TFAP2C: variants seen among roughly 807,000 people sequenced by gnomAD.
TFAP2C encodes transcription factor AP-2 gamma.
A neutral mutation model predicts 42.9 loss-of-function variants in TFAP2C; 9 were observed. The observed-to-expected ratio is 0.21, with a 90% CI of 0.13 to 0.37. The LOEUF is 0.37. Among genes scored for constraint, TFAP2C ranks in the 10% least tolerant of loss-of-function variants. The pLI, the probability that TFAP2C is intolerant of heterozygous loss-of-function variation, is 1.00. For synonymous variants in TFAP2C, 264 were observed against 256.0 expected, an observed-to-expected ratio of 1.03 and a Z score of -0.30; for missense variants, 462 against 591.7, an observed-to-expected ratio of 0.78 and a Z score of 2.27.
chr20:56,633,696 T>G (rs1418527702), intron 4 of TFAP2C, 127 bp downstream of exon 4: 25 of 718,390 alleles, frequency 3.5e-5, no homozygotes, highest in Non-Finnish European at 5.2e-5. Context: ...GGGTTAGAGT[T>G]TTAGTACATT....
Position 56,631,598 on chromosome 20 carries a change from C to T in TFAP2C, c.442C>T (p.Leu148=), listed in dbSNP as rs530325477. The T allele has an allele frequency of 2.3e-4, 361 of 1,555,324 alleles. 3 individuals carry two copies. The East Asian group carries it at 8.5e-3, about 37-fold the overall frequency. Reference sequence around the variant, plus strand: ...CAGGGATGCCTACCGCCGCTCCGACCTGCTGCTGCCCCACGCACACGCCCT... The same window carrying T: ...CAGGGATGCCTACCGCCGCTCCGACTTGCTGCTGCCCCACGCACACGCCCT... The part of the protein sequence containing the change: ...ARRDAYRRSD[L]LLPHAHALDA... The change falls in exon 2 of 7, where the codon CTG becomes TTG. Residue 148 remains leucine, a synonymous_variant. Coordinates refer to ENST00000201031, the MANE Select transcript of TFAP2C (RefSeq NM_003222.4). This position sits in a 1 kb window ranked among gnomAD's most constrained non-coding sequence, Gnocchi z 6.1.
rs1987496623 is a variant in TFAP2C at position 56,631,746 on chromosome 20, C to G, written c.534+56C>G. 8.1e-6 allele frequency: 13 copies of G among 1,613,122 alleles called. No homozygotes were observed. The highest frequency in any genetic ancestry group is 2.2e-5 in the East Asian group (1 of 44,878). ...TGTTCACCCTACGGCCTTCTGCCCCCACCCCGCACTCCTCTAGGCTCCCCC... is the reference window on the plus strand; with the variant it reads ...TGTTCACCCTACGGCCTTCTGCCCCGACCCCGCACTCCTCTAGGCTCCCCC... On this transcript the variant is annotated intron_variant, in intron 2 of 6. Transcript: ENST00000201031. The surrounding 1 kb of genome is among the most constrained non-coding windows in gnomAD (Gnocchi z 6.1).
At position 56,631,182 on chromosome 20, in the gene TFAP2C, C is replaced by T. The variant is rs1987481927; in HGVS notation, c.49-23C>T. 2.7e-6 allele frequency: 4 copies of T among 1,496,558 alleles called. No individual in the cohort carries two copies. The East Asian group carries it at 1.0e-4, about 38-fold the overall frequency. 92.7% of individuals were successfully genotyped at this position (1,496,558 alleles called of 1,614,324 possible). On this transcript the variant is annotated intron_variant, in intron 1 of 6. Coordinates refer to ENST00000201031, the MANE Select transcript of TFAP2C (RefSeq NM_003222.4). The surrounding 1 kb of genome is among the most constrained non-coding windows in gnomAD (Gnocchi z 6.1). ...GCGGGGTTTCGCACTAACGGGGTCT[C>T]CTGTTTTTTTTTTTCCCTCCAGGAT...
In TFAP2C at chr20:56,630,865, G is replaced by A. The variant is rs1801197474; in HGVS notation, c.49-340G>A. 1.2e-5 allele frequency: 12 copies of A among 985,214 alleles called. No individual in the cohort carries two copies. The highest frequency in any genetic ancestry group is 1.4e-5 in the Non-Finnish European group (12 of 829,880). 61.0% of individuals were successfully genotyped at this position (985,214 alleles called of 1,614,324 possible). ...CCCCGGGCTCTGGCTCCTTCGCCCCGGGCTCCGGCCACGGACTTTTCTGGC... is the reference window on the plus strand; with the variant it reads ...CCCCGGGCTCTGGCTCCTTCGCCCCAGGCTCCGGCCACGGACTTTTCTGGC... On this transcript the variant is annotated intron_variant, in intron 1 of 6. Transcript: ENST00000201031. This position sits in a 1 kb window ranked among gnomAD's most constrained non-coding sequence, Gnocchi z 5.1.
In TFAP2C at chr20:56,630,348, AG is replaced by A. The variant is rs1301865902; in HGVS notation, c.48+758del. The A allele has an allele frequency of 4.4e-6, 2 of 451,916 alleles. No individual in the cohort carries two copies. The highest frequency in any genetic ancestry group is 1.6e-5 in the South Asian group (1 of 63,194). The allele number at this position is 451,916 out of a possible 1,614,324, so 28.0% of individuals were successfully genotyped here. A position where few individuals can be genotyped will look rare whatever the true frequency, so the allele number is the denominator to read the frequency against. On this transcript the variant is annotated intron_variant, in intron 1 of 6. Transcript: ENST00000201031. This position sits in a 1 kb window ranked among gnomAD's most constrained non-coding sequence, Gnocchi z 5.1. ...CGCAGGCCCGGGCGCTTCCGCCAGG[AG>A]GCGACAGCGCCATGTTCCTCCAGGT...
chr20:56,634,304 T>A, intron 5 of TFAP2C, 36 bp downstream of exon 5: 2 of 1,456,670 alleles, frequency 1.4e-6, no homozygotes, highest in South Asian at 1.1e-5. Context: ...GTGATGTTTT[T>A]AATTTGTGCC....
At chr20:56,633,925 G>A (rs891929429) in intron 4 of TFAP2C, among the ~76,000 whole-genome samples, 1 of 152,102 alleles carries the variant, frequency 6.6e-6, no homozygotes, top group East Asian at 1.9e-4. Flanking sequence ...TGAAATATTC[G>A]GTGATGCAGA....
rs1054565870 is a variant in TFAP2C, at chr20:56,630,277, C to T, written c.48+685C>T. On this transcript the variant is annotated intron_variant, in intron 1 of 6. Transcript: ENST00000201031. This position sits in a 1 kb window ranked among gnomAD's most constrained non-coding sequence, Gnocchi z 5.1. ...GAGCGCGGAGCTCGGGCTACGGACT[C>T]GCGGGAGTTCACTGCGCCTCCGGGC... The T allele has an allele frequency of 5.9e-6, 2 of 341,058 alleles. No homozygotes were observed. The highest frequency in any genetic ancestry group is 1.2e-5 in the Non-Finnish European group (2 of 166,466). 21.1% of individuals were successfully genotyped at this position (341,058 alleles called of 1,614,324 possible). A position where few individuals can be genotyped will look rare whatever the true frequency, so the allele number is the denominator to read the frequency against.
Position 56,630,012 on chromosome 20 carries a change from C to T in TFAP2C, c.48+420C>T, listed in dbSNP as rs905501374. 6.6e-6 allele frequency among the ~76,000 whole-genome samples: 1 copy of T among 152,002 alleles called. No individual in the cohort carries two copies. Among genetic ancestry groups the T allele is most frequent in the Non-Finnish European group, 1.5e-5 (1 of 68,022 alleles). On this transcript the variant is annotated intron_variant, in intron 1 of 6. Coordinates refer to ENST00000201031, the MANE Select transcript of TFAP2C (RefSeq NM_003222.4). The surrounding 1 kb of genome is among the most constrained non-coding windows in gnomAD (Gnocchi z 5.1). ...CACTCCTCCAAGGCCGGCTTGTCAC[C>T]TGCCCCGCTACCTCCTCGGGGAAGC...
In TFAP2C at chr20:56,630,655, C is replaced by G; in HGVS notation, c.49-550C>G. On this transcript the variant is annotated intron_variant, in intron 1 of 6. Coordinates refer to ENST00000201031, the MANE Select transcript of TFAP2C (RefSeq NM_003222.4). The surrounding 1 kb of genome is among the most constrained non-coding windows in gnomAD (Gnocchi z 5.1). ...GCGCAGGGTGGCGGGCCCTGCTTTC[C>G]GAGCGCCGCCCGCTCGGAGGTCTTT... 1.0e-6 allele frequency: 1 copy of G among 981,598 alleles called. No individual in the cohort carries two copies. Among genetic ancestry groups the G allele is most frequent in the Non-Finnish European group, 1.2e-6 (1 of 826,458 alleles). The allele number at this position is 981,598 out of a possible 1,614,324, so 60.8% of individuals were successfully genotyped here. A position where few individuals can be genotyped will look rare whatever the true frequency, so the allele number is the denominator to read the frequency against.
At chr20:56,637,642 G>A in intron 6 of TFAP2C, 86 bp from the exon 7 acceptor site, 1 of 1,372,918 alleles carries the variant, frequency 7.3e-7, no homozygotes, top group Non-Finnish European at 1.0e-6. Context: ...TGCCTCCCGG[G>A]CGCCAGCCTC....
rs1987500116 is a variant in TFAP2C, at chr20:56,631,847, A to T, written c.577A>T (p.Ile193Phe). 6.2e-7 allele frequency: 1 copy of T among 1,614,118 alleles called. No homozygotes were observed. Among genetic ancestry groups the T allele is most frequent in the Non-Finnish European group, 8.5e-7 (1 of 1,180,054 alleles). ...CCTGTTGCTGCACGATCAGACAGTC[A>T]TTCGCAAAGGTAAATAGCAAGGTGG... The part of the protein sequence containing the change: ...QHLLLHDQTV[I>F]RKGPISMTKN... Residue 193 changes from isoleucine to phenylalanine, a missense_variant, in exon 3 of 7, where the codon ATT becomes TTT. Physicochemically the swap from Ile to Phe is conservative, Grantham distance 21. This residue lies in a region of TFAP2C where 21 missense variants were observed against 38.1 expected (regional missense o/e 0.55). Coordinates refer to ENST00000201031, the MANE Select transcript of TFAP2C (RefSeq NM_003222.4). The surrounding 1 kb of genome is among the most constrained non-coding windows in gnomAD (Gnocchi z 6.1).
intron 6 of TFAP2C, among the ~76,000 whole-genome samples, chr20:56,637,240 G>A (rs1278649215): frequency 6.6e-6 from 1 of 152,226 alleles, no homozygotes; most frequent in Non-Finnish European, 1.5e-5. Context: ...ATTTGAAAAT[G>A]ATGGTAAATG....
Position 56,630,314 on chromosome 20 carries a change from GC to G in TFAP2C, c.48+726del. 4.9e-6 allele frequency: 2 copies of G among 411,726 alleles called. No homozygotes were observed. Among genetic ancestry groups the G allele is most frequent in the Non-Finnish European group, 5.0e-6 (1 of 201,552 alleles). 25.5% of individuals were successfully genotyped at this position (411,726 alleles called of 1,614,324 possible). A position where few individuals can be genotyped will look rare whatever the true frequency, so the allele number is the denominator to read the frequency against. ...CTGCGCCTCCGGGCCCTGGAGGGCTGCCCCTGCCCGCAGGCCCGGGCGCTTC... is the reference window on the plus strand; with the variant it reads ...CTGCGCCTCCGGGCCCTGGAGGGCTGCCCTGCCCGCAGGCCCGGGCGCTTC... On this transcript the variant is annotated intron_variant, in intron 1 of 6. Coordinates refer to ENST00000201031, the MANE Select transcript of TFAP2C (RefSeq NM_003222.4). This position sits in a 1 kb window ranked among gnomAD's most constrained non-coding sequence, Gnocchi z 5.1.
rs574031938 is a variant in TFAP2C, at chr20:56,629,866, G to A, written c.48+274G>A. Among the ~76,000 whole-genome samples the A allele has an allele frequency of 6.6e-6, 1 of 152,286 alleles. No individual in the cohort carries two copies. The highest frequency in any genetic ancestry group is 2.4e-5 in the African/African-American group (1 of 41,574). On this transcript the variant is annotated intron_variant, in intron 1 of 6. Coordinates refer to ENST00000201031, the MANE Select transcript of TFAP2C (RefSeq NM_003222.4). The surrounding 1 kb of genome is among the most constrained non-coding windows in gnomAD (Gnocchi z 5.9). ...CGGGCGCTTTCCTAAGCGGCAAACA[G>A]CCCTGCTTCCCGTTTTCTCGGAAAA...
Position 56,629,647 on chromosome 20 carries a change from AG to A in TFAP2C, c.48+59del. On this transcript the variant is annotated intron_variant, in intron 1 of 6. Transcript: ENST00000201031. The surrounding 1 kb of genome is among the most constrained non-coding windows in gnomAD (Gnocchi z 5.9). ...CCCCGCCGAGGACAGTCCGGGAGGC[AG>A]GGGCCACTGGACCGAGGTCGGGGAC... 5 of 1,335,244 alleles carry A rather than the reference AG, an allele frequency of 3.7e-6. No individual in the cohort carries two copies. The highest frequency in any genetic ancestry group is 2.2e-5 in the South Asian group (1 of 44,898). The allele number at this position is 1,335,244 out of a possible 1,614,324, so 82.7% of individuals were successfully genotyped here. A position where few individuals can be genotyped will look rare whatever the true frequency, so the allele number is the denominator to read the frequency against.
At chr20:56,634,026 T>G in intron 4 of TFAP2C, 124 bp from the exon 5 acceptor site, 1 of 698,872 alleles carries the variant, frequency 1.4e-6, no homozygotes, top group South Asian at 1.7e-5. Flanking sequence ...TCACGTGATG[T>G]AGATAGTCTT....
intron 5 of TFAP2C, among the ~76,000 whole-genome samples, chr20:56,635,971 C>G (rs1987575905): frequency 6.6e-6 from 1 of 152,192 alleles, no homozygotes; most frequent in Non-Finnish European, 1.5e-5. Context: ...TCAGTACAGA[C>G]ACAACCATTC....
chr20:56,630,249 C>A lies in TFAP2C; in HGVS notation c.48+657C>A, dbSNP rs546718748. The A allele has an allele frequency of 3.0e-4, 91 of 303,388 alleles. No homozygotes were observed. The East Asian group carries it at 4.6e-3, about 15-fold the overall frequency. 18.8% of individuals were successfully genotyped at this position (303,388 alleles called of 1,614,324 possible). A position where few individuals can be genotyped will look rare whatever the true frequency, so the allele number is the denominator to read the frequency against. On this transcript the variant is annotated intron_variant, in intron 1 of 6. Transcript: ENST00000201031. This position sits in a 1 kb window ranked among gnomAD's most constrained non-coding sequence, Gnocchi z 5.1. ...CAGCGCTAGGCGAGCTCAGGGGCGC[C>A]GGGAGCGCGGAGCTCGGGCTACGGA... is the stretch of plus-strand genomic sequence containing the variant.
Sources: gnomAD v4.1 joint callset for allele counts (sites outside exome capture counted in the v4.1 genomes callset) on GRCh38, gnomAD v4.1.1 for gene constraint, gnomAD v4.1.1 regional missense constraint, Gnocchi (gnomAD v3.1) non-coding constraint, MANE v1.5 for transcripts, NCBI Gene and HGNC (gene_info 2026-07-23, HGNC 2026-07-21) for gene names.